Variants in PRKCQ observed in about 807,000 individuals in gnomAD.
PRKCQ encodes the protein protein kinase C theta, also known as protein kinase C theta type.
Under a neutral mutation model 91.2 loss-of-function variants are expected in PRKCQ, and 41 were observed. The ratio of observed to expected loss-of-function variants is 0.45; its 90% confidence interval spans 0.35 to 0.58. The LOEUF (loss-of-function observed/expected upper bound fraction) is 0.58. Among genes scored for constraint, PRKCQ ranks in the 20% least tolerant of loss-of-function variants. The probability of loss-of-function intolerance (pLI) is 0.00; values close to 1 mark genes in which losing one functional copy is unlikely to be tolerated. For missense variants in PRKCQ, 673 were observed against 896.5 expected (o/e 0.75, Z 3.18); for synonymous variants, 307 against 316.9 (o/e 0.97, Z 0.33).
At chr10:6,554,008 C>T (rs560851903) in intron 1 of PRKCQ, among the ~76,000 whole-genome samples, 27 of 151,920 alleles carry the variant, frequency 1.8e-4, no homozygotes, top group Middle Eastern at 6.9e-3. Flanking sequence ...CATCAAGTCT[C>T]GGAGCACTCA....
At chr10:6,406,174 C>T in the PRKCQ span, among the ~76,000 whole-genome samples, 2 of 147,554 alleles carry the variant, frequency 1.4e-5, no homozygotes, top group East Asian at 3.8e-4. Context: ...AAATATACAA[C>T]ATTTTAGAAA....
intron 8 of PRKCQ, chr10:6,489,366 C>T (rs1414719794): frequency 3.9e-6 from 2 of 510,842 alleles, no homozygotes; most frequent in Admixed American, 4.2e-5. Context: ...CCACCATCTC[C>T]ACGAGAAGGT....
At chr10:6,463,732 C>A (rs1224794943) in intron 13 of PRKCQ, among the ~76,000 whole-genome samples, 1 of 152,222 alleles carries the variant, frequency 6.6e-6, no homozygotes, top group African/African-American at 2.4e-5. Context: ...CTTTTACTTG[C>A]ATGTCATGGG....
intron 7 of PRKCQ, among the ~76,000 whole-genome samples, chr10:6,495,175 T>C (rs1486320501): frequency 6.6e-6 from 1 of 152,126 alleles, no homozygotes; most frequent in Non-Finnish European, 1.5e-5. Context: ...TCTCCTCTGG[T>C]TTCACTTTCA....
intron 1 of PRKCQ, among the ~76,000 whole-genome samples, chr10:6,525,690 C>T (rs1050752996): frequency 3.1e-4 from 47 of 152,300 alleles, no homozygotes; most frequent in African/African-American, 7.9e-4. Context: ...TCTAAGTCCA[C>T]GAGCAGGAGA....
intron 7 of PRKCQ, among the ~76,000 whole-genome samples, chr10:6,495,562 A>G (rs1275558643): frequency 6.6e-6 from 1 of 152,198 alleles, no homozygotes; most frequent in East Asian, 1.9e-4. Flanking sequence ...CACCTTGTTC[A>G]CTATCTTTGT....
the PRKCQ span, among the ~76,000 whole-genome samples, chr10:6,400,629 C>CACA: frequency 4.2e-5 from 1 of 23,928 alleles, no homozygotes; most frequent in Non-Finnish European, 1.1e-4. Context: ...TGCTTCCTTT[C>CACA]AGAAAAAAAA....
At chr10:6,399,250 A>C in the PRKCQ span, among the ~76,000 whole-genome samples, 1 of 152,320 alleles carries the variant, frequency 6.6e-6, no homozygotes, top group East Asian at 1.9e-4. Context: ...TCCTCGATAA[A>C]TATTCACCGT....
At chr10:6,395,864 A>G in the PRKCQ span, among the ~76,000 whole-genome samples, 1 of 152,010 alleles carries the variant, frequency 6.6e-6, no homozygotes, top group South Asian at 2.1e-4. Context: ...TACTGAGTAT[A>G]TTTTTCAGAG....
intron 10 of PRKCQ, among the ~76,000 whole-genome samples, 161 bp downstream of exon 10, chr10:6,484,991 T>C (rs966858653): frequency 1.3e-5 from 2 of 152,036 alleles, no homozygotes; most frequent in African/African-American, 4.8e-5. Context: ...AGGTAAAAGG[T>C]TTTAGTTTCT....
At chr10:6,416,204 A>T in the PRKCQ span, among the ~76,000 whole-genome samples, 131,658 of 151,524 alleles carry the variant, frequency 0.87, 57,612 homozygotes, top group Non-Finnish European at 0.92. Flanking sequence ...TTCTTTTTTT[A>T]AAATTTAATT....
rs906932918 is a variant in PRKCQ at position 6,431,040 on chromosome 10, C to T, written c.1837-102G>A. Reference sequence around the variant, plus strand: ...GTGCACCAGCCCCTTCTTTTCTAACCTCATTTTTCTACTCACCTTCATCAG... The same window carrying T: ...GTGCACCAGCCCCTTCTTTTCTAACTTCATTTTTCTACTCACCTTCATCAG... On this transcript the variant is annotated intron_variant, in intron 16 of 17. Transcript: ENST00000263125. 296 of 1,407,366 alleles carry T rather than the reference C, an allele frequency of 2.1e-4. 1 individual carries two copies. The highest frequency in any genetic ancestry group is 2.6e-4 in the Non-Finnish European group (275 of 1,057,374). The allele number at this position is 1,407,366 out of a possible 1,614,324, so 87.2% of individuals were successfully genotyped here.
intron 8 of PRKCQ, among the ~76,000 whole-genome samples, chr10:6,487,098 T>C (rs1294909056): frequency 6.6e-6 from 1 of 152,134 alleles, no homozygotes; most frequent in Non-Finnish European, 1.5e-5. Context: ...TTTGAGCACA[T>C]TCCCCAGTTT....
At chr10:6,421,189 T>C in the PRKCQ span, among the ~76,000 whole-genome samples, 6 of 152,148 alleles carry the variant, frequency 3.9e-5, no homozygotes, top group Non-Finnish European at 8.8e-5. This position sits in a 1 kb window ranked among gnomAD's most constrained non-coding sequence, Gnocchi z 4.1. Context: ...TTTCTGAAGA[T>C]AATAATTGTT....
At chr10:6,517,955 G>C (rs1838839457) in intron 1 of PRKCQ, among the ~76,000 whole-genome samples, 1 of 152,182 alleles carries the variant, frequency 6.6e-6, no homozygotes, top group African/African-American at 2.4e-5. Flanking sequence ...AGCAATTTAA[G>C]ACATGCAGAA....
At chr10:6,460,582 A>T (rs777905186) in intron 14 of PRKCQ, among the ~76,000 whole-genome samples, 1 of 152,010 alleles carries the variant, frequency 6.6e-6, no homozygotes, top group Non-Finnish European at 1.5e-5. Context: ...ACCTCCGCCT[A>T]ACAGGTTCAA....
chr10:6,419,013 A>G, the PRKCQ span, among the ~76,000 whole-genome samples: 2 of 146,356 alleles, frequency 1.4e-5, no homozygotes, highest in African/African-American at 5.0e-5. Context: ...CTTGCTATCT[A>G]TGTATCTATC....
intron 1 of PRKCQ, 81 bp from the exon 2 acceptor site, chr10:6,515,225 G>T: frequency 6.3e-7 from 1 of 1,592,454 alleles, no homozygotes; most frequent in East Asian, 2.3e-5. Flanking sequence ...CTTAACCAGT[G>T]CTTTATCATG....
intron 1 of PRKCQ, among the ~76,000 whole-genome samples, chr10:6,547,958 G>A (rs1308761360): frequency 2.5e-4 from 37 of 149,794 alleles, no homozygotes; most frequent in Non-Finnish European, 3.6e-4. Flanking sequence ...CTACAAAATG[G>A]GAGAAAATTT....
Sources: gnomAD v4.1 joint callset for allele counts (sites outside exome capture counted in the v4.1 genomes callset) on GRCh38, gnomAD v4.1.1 for gene constraint, Gnocchi (gnomAD v3.1) non-coding constraint, MANE v1.5 for transcripts, NCBI Gene and HGNC (gene_info 2026-07-23, HGNC 2026-07-21) for gene names.